The following TAMM41 variants were observed in gnomAD, a reference collection of about 807,000 sequenced individuals.
TAMM41 encodes phosphatidate cytidylyltransferase, mitochondrial.
In TAMM41, 36 loss-of-function variants were observed where a neutral mutation model predicts 44.1. The observed-to-expected ratio is 0.82, with a 90% CI of 0.63 to 1.08. The LOEUF (loss-of-function observed/expected upper bound fraction) is 1.08, where lower values mean the gene tolerates loss of function less well. Among genes scored for constraint, TAMM41 ranks in the 50% least tolerant of loss-of-function variants. The pLI, the probability that TAMM41 is intolerant of heterozygous loss-of-function variation, is 0.00. For synonymous variants in TAMM41, 164 were observed against 153.1 expected (o/e 1.07, Z -0.53); for missense variants, 417 against 404.3 (o/e 1.03, Z -0.27).
chr3:11,740,647 A>T, the TAMM41 span, among the ~76,000 whole-genome samples: 1 of 151,264 alleles, frequency 6.6e-6, no homozygotes, highest in Non-Finnish European at 1.5e-5. Context: ...CAATGGTGTG[A>T]TCTTGGCTCA....
rs1575638095 is a variant in TAMM41, at chr3:11,811,811, T to C, written c.709-2129A>G. 2.0e-5 allele frequency among the ~76,000 whole-genome samples: 3 copies of C among 152,056 alleles called. No homozygotes were observed. The South Asian group carries it at 6.2e-4, about 32-fold the overall frequency. Reference sequence around the variant, plus strand: ...GGGAGAGCTGGGGACGGCTAAAGGGTATGGAGTGACAGAAATATTCTAAAA... The same window carrying C: ...GGGAGAGCTGGGGACGGCTAAAGGGCATGGAGTGACAGAAATATTCTAAAA... On this transcript the variant is annotated intron_variant, in intron 5 of 7. Coordinates refer to ENST00000455809, the MANE Select transcript of TAMM41 (RefSeq NM_001284401.2).
chr3:11,829,728 C>T lies in TAMM41; in HGVS notation c.548G>A (p.Gly183Asp), dbSNP rs1039849048. 1 of 1,614,114 alleles carries T rather than the reference C, an allele frequency of 6.2e-7. No homozygotes were observed. ...ACCATACTAACCTGAATAGGAGAGA[C>T]CGGCAATCTCTATGAAGAGGTCTTC... is the stretch of plus-strand genomic sequence containing the variant. ...SEEDLFIEIA[G>D]LSYSGDFRMV... is the part of the protein sequence containing the mutation. The change falls in exon 4 of 8, where the codon GGT (glycine) becomes GAT (aspartate). Residue 183 changes from glycine (G) to aspartate (D), a missense_variant. Coordinates refer to ENST00000455809, the MANE Select transcript of TAMM41 (RefSeq NM_001284401.2).
the TAMM41 span, among the ~76,000 whole-genome samples, chr3:11,729,792 G>T: frequency 6.6e-6 from 1 of 151,466 alleles, no homozygotes; most frequent in African/African-American, 2.4e-5. Context: ...ACTACTGACT[G>T]CAAGGAAGGA....
chr3:11,812,805 G>A (rs188581577), intron 5 of TAMM41, among the ~76,000 whole-genome samples: 163 of 152,258 alleles, frequency 1.1e-3, no homozygotes, highest in African/African-American at 3.7e-3. Flanking sequence ...GGACAAGTGC[G>A]GTAGCCAGGG....
chr3:11,823,827 G>A (rs1049939474), intron 4 of TAMM41, among the ~76,000 whole-genome samples: 24 of 86,064 alleles, frequency 2.8e-4, no homozygotes, highest in Non-Finnish European at 3.9e-4. Flanking sequence ...CACCATGCCC[G>A]GCTTTTTTTT....
chr3:11,731,723 GATA>G, the TAMM41 span, among the ~76,000 whole-genome samples: 2 of 152,110 alleles, frequency 1.3e-5, no homozygotes, highest in Non-Finnish European at 2.9e-5. Flanking sequence ...CATGGCAGTG[GATA>G]ATGTCATTTC....
chr3:11,843,071 A>G (rs1279009612), intron 2 of TAMM41, among the ~76,000 whole-genome samples: 1 of 152,178 alleles, frequency 6.6e-6, no homozygotes, highest in Non-Finnish European at 1.5e-5. Flanking sequence ...GTCAAATTCC[A>G]CGCGTCTCCT....
downstream of TAMM41, among the ~76,000 whole-genome samples, chr3:11,786,966 G>A (rs2077421388): frequency 6.6e-6 from 1 of 152,170 alleles, no homozygotes; most frequent in Non-Finnish European, 1.5e-5. Context: ...ACTGGGCTTG[G>A]CTAGGCAGGT....
the TAMM41 span, among the ~76,000 whole-genome samples, chr3:11,760,669 T>C: frequency 6.6e-6 from 1 of 152,064 alleles, no homozygotes; most frequent in African/African-American, 2.4e-5. Context: ...TAAGCGAGTC[T>C]CATGCCTCAG....
the TAMM41 span, among the ~76,000 whole-genome samples, chr3:11,752,668 T>C: frequency 1.4e-5 from 2 of 137,956 alleles, no homozygotes; most frequent in African/African-American, 2.7e-5. Flanking sequence ...GACAGGGTCT[T>C]GCTCTCTATC....
chr3:11,808,497 T>A (rs1460299080), intron 6 of TAMM41: 1 of 985,790 alleles, frequency 1.0e-6, no homozygotes, highest in Non-Finnish European at 1.2e-6. Flanking sequence ...GAGCGCCTGC[T>A]GCAGCTCATC....
chr3:11,782,484 C>T, the TAMM41 span, among the ~76,000 whole-genome samples: 1 of 150,068 alleles, frequency 6.7e-6, no homozygotes, highest in Non-Finnish European at 1.5e-5. Flanking sequence ...GAAGTCAGGG[C>T]TGCAGTAAGC....
At chr3:11,824,451 G>A (rs1305901404) in intron 4 of TAMM41, among the ~76,000 whole-genome samples, 3 of 141,584 alleles carry the variant, frequency 2.1e-5, no homozygotes, top group Non-Finnish European at 3.0e-5. Flanking sequence ...ACCTTCGCCC[G>A]CCCGGCTAAT....
the TAMM41 span, among the ~76,000 whole-genome samples, chr3:11,738,238 G>A: frequency 6.6e-6 from 1 of 152,194 alleles, no homozygotes; most frequent in Admixed American, 6.5e-5. Flanking sequence ...AAAGTAATTA[G>A]GAGCATAAGC....
the TAMM41 span, among the ~76,000 whole-genome samples, chr3:11,764,878 A>G: frequency 7.9e-5 from 12 of 152,160 alleles, no homozygotes; most frequent in African/African-American, 2.9e-4. Context: ...CATATATAAA[A>G]TACCACAAGT....
At chr3:11,749,949 G>A in the TAMM41 span, among the ~76,000 whole-genome samples, 1 of 150,086 alleles carries the variant, frequency 6.7e-6, no homozygotes, top group Non-Finnish European at 1.5e-5. Context: ...CCAGGCTGGA[G>A]TGCAGTGGCA....
At chr3:11,805,249 G>A (rs2124945670) in intron 7 of TAMM41, among the ~76,000 whole-genome samples, 1 of 152,024 alleles carries the variant, frequency 6.6e-6, no homozygotes, top group Middle Eastern at 3.4e-3. Flanking sequence ...CAATCTGCCT[G>A]TCTCGGCCTC....
chr3:11,839,171 A>G, intron 3 of TAMM41, 51 bp downstream of exon 3: 1 of 1,151,462 alleles, frequency 8.7e-7, no homozygotes. Context: ...AAGTAAGGTT[A>G]GGCTCAGAGA....
At chr3:11,807,141 T>TG (rs1445336222) in intron 7 of TAMM41, 1 of 982,382 alleles carries the variant, frequency 1.0e-6, no homozygotes, top group African/African-American at 1.8e-5. Flanking sequence ...ATACAGTAAA[T>TG]GGGGGACCCC....
Sources: gnomAD v4.1 joint callset for allele counts (sites outside exome capture counted in the v4.1 genomes callset) on GRCh38, gnomAD v4.1.1 for gene constraint, MANE v1.5 for transcripts, NCBI Gene and HGNC (gene_info 2026-07-23, HGNC 2026-07-21) for gene names.